The following CDH8 variants were observed in gnomAD, a reference collection of about 807,000 sequenced individuals.
CDH8 encodes the protein cadherin-8.
In CDH8, 17 loss-of-function variants were observed where a neutral mutation model predicts 68.1. The ratio of observed to expected loss-of-function variants is 0.25; its 90% CI spans 0.17 to 0.37. The LOEUF (loss-of-function observed/expected upper bound fraction) is 0.37. Ranked by LOEUF, CDH8 falls within the 10% of genes least tolerant of loss-of-function variation. The pLI is 1.00. For synonymous variants in CDH8, 372 were observed against 365.1 expected (o/e 1.02, Z -0.21); for missense variants, 763 against 999.3 (o/e 0.76, Z 3.19).
At chr16:61,667,554 A>T (rs948260198) in intron 10 of CDH8, 1 of 151,978 alleles carries the variant, frequency 6.6e-6, no homozygotes, top group African/African-American at 2.4e-5. Flanking sequence ...TAAAAAACCC[A>T]GGAGTCATCA....
intron 10 of CDH8, chr16:61,692,919 T>G (rs1374244272): frequency 1.3e-5 from 2 of 152,126 alleles, no homozygotes; most frequent in Admixed American, 1.3e-4. Flanking sequence ...ACTGGCAAAG[T>G]GGTCAACTGA....
At chr16:61,930,224 G>C (rs1316156779) in intron 2 of CDH8, among the ~76,000 whole-genome samples, 1 of 151,714 alleles carries the variant, frequency 6.6e-6, no homozygotes, top group African/African-American at 2.4e-5. Context: ...TTTATTAATA[G>C]AGTGATTGCC....
chr16:61,711,078 T>C (rs1964622677), intron 10 of CDH8, among the ~76,000 whole-genome samples: 1 of 152,066 alleles, frequency 6.6e-6, no homozygotes, highest in East Asian at 1.9e-4. Context: ...TTTATTTATA[T>C]TGAAGGTTGC....
intron 7 of CDH8, among the ~76,000 whole-genome samples, chr16:61,804,093 A>G (rs1384488472): frequency 1.5e-5 from 2 of 137,246 alleles, no homozygotes; most frequent in Non-Finnish European, 3.1e-5. Context: ...GCAAATGTAA[A>G]AGAACAGAAA....
intron 8 of CDH8, among the ~76,000 whole-genome samples, chr16:61,737,616 GTGA>G (rs1959735133): frequency 6.6e-6 from 1 of 152,102 alleles, no homozygotes. Context: ...TAAATCATTA[GTGA>G]TGATTTATCA....
At chr16:61,663,749 A>C (rs1963614618) in intron 10 of CDH8, among the ~76,000 whole-genome samples, 1 of 152,044 alleles carries the variant, frequency 6.6e-6, no homozygotes. Flanking sequence ...CTATCTATCC[A>C]TCTCTCTAAT....
At chr16:62,018,268 A>G (rs2150610048) in intron 2 of CDH8, among the ~76,000 whole-genome samples, 1 of 152,274 alleles carries the variant, frequency 6.6e-6, no homozygotes, top group African/African-American at 2.4e-5. Flanking sequence ...GTAAGGTTAT[A>G]TGTGAAGCTC....
At chr16:61,736,756 G>A (rs564123004) in intron 8 of CDH8, among the ~76,000 whole-genome samples, 3 of 152,070 alleles carry the variant, frequency 2.0e-5, no homozygotes, top group Non-Finnish European at 4.4e-5. Context: ...AGATATTATA[G>A]AGCAATAAAA....
chr16:61,975,054 C>T (rs1965411380), intron 2 of CDH8, among the ~76,000 whole-genome samples: 1 of 151,956 alleles, frequency 6.6e-6, no homozygotes, highest in Non-Finnish European at 1.5e-5. Flanking sequence ...TGTGTATGAC[C>T]TGAAAATAAT....
chr16:61,959,955 CTCTG>C (rs1965062210), intron 2 of CDH8, among the ~76,000 whole-genome samples: 1 of 125,172 alleles, frequency 8.0e-6, no homozygotes, highest in South Asian at 2.5e-4. Context: ...ACAAATCTTT[CTCTG>C]TATGTGGTGT....
At chr16:61,813,575 G>C (rs975048959) in intron 7 of CDH8, among the ~76,000 whole-genome samples, 1 of 152,136 alleles carries the variant, frequency 6.6e-6, no homozygotes, top group South Asian at 2.1e-4. Flanking sequence ...GTGGAGCCAC[G>C]GGCAGGGGGA....
intron 7 of CDH8, among the ~76,000 whole-genome samples, chr16:61,810,946 C>T (rs559827111): frequency 6.6e-4 from 100 of 150,728 alleles, no homozygotes; most frequent in African/African-American, 2.3e-3. Context: ...ATTGCTTGAA[C>T]CCAAGAGGCT....
intron 8 of CDH8, among the ~76,000 whole-genome samples, chr16:61,771,404 C>A (rs1441330517): frequency 6.9e-6 from 1 of 145,594 alleles, no homozygotes; most frequent in Non-Finnish European, 1.5e-5. Context: ...CAAATATGAA[C>A]CAGCAAAGAG....
At chr16:61,674,290 T>C (rs951874624) in intron 10 of CDH8, among the ~76,000 whole-genome samples, 1 of 151,896 alleles carries the variant, frequency 6.6e-6, no homozygotes, top group African/African-American at 2.4e-5. Context: ...CCATCTCTAC[T>C]AAAAATACAA....
Position 61,972,574 on chromosome 16 carries a change from GTGTGTGTGTGTGT to G in CDH8, c.252+48565_252+48577del, listed in dbSNP as rs1965359333. On this transcript the variant is annotated intron_variant, in intron 2 of 11. Coordinates refer to ENST00000577390, the MANE Select transcript of CDH8 (RefSeq NM_001796.5). The stretch of plus-strand genomic sequence containing the variant: ...TTTTTTCTGGGAACACATTGTGGGT[GTGTGTGTGTGTGT>G]GTGTGTGTGTGTGTGTGTGTGTGTG... 1.1e-4 allele frequency among the ~76,000 whole-genome samples: 12 copies of G among 107,300 alleles called. No individual in the cohort carries two copies. In the South Asian group the frequency reaches 2.2e-3, roughly 20 times the overall value. 70.4% of individuals were successfully genotyped at this position (107,300 alleles called of 152,430 possible).
intron 2 of CDH8, among the ~76,000 whole-genome samples, chr16:61,984,083 T>C (rs1216671112): frequency 6.6e-6 from 1 of 151,922 alleles, no homozygotes; most frequent in Non-Finnish European, 1.5e-5. Context: ...CACACCTGGC[T>C]AATTTTTGTA....
intron 1 of CDH8, among the ~76,000 whole-genome samples, chr16:62,027,917 A>C (rs948338556): frequency 6.6e-6 from 1 of 152,060 alleles, no homozygotes; most frequent in Non-Finnish European, 1.5e-5. Context: ...ACACGTGCAC[A>C]TATTATTTTG....
chr16:61,927,981 C>T (rs1404014761), intron 2 of CDH8, among the ~76,000 whole-genome samples: 2 of 152,176 alleles, frequency 1.3e-5, no homozygotes, highest in African/African-American at 4.8e-5. Flanking sequence ...TCCTTCCCTT[C>T]GGTAAAGTTA....
intron 1 of CDH8, among the ~76,000 whole-genome samples, chr16:62,032,697 A>G (rs1350939416): frequency 6.6e-6 from 1 of 152,150 alleles, no homozygotes; most frequent in Non-Finnish European, 1.5e-5. Context: ...TGCCAGACAC[A>G]AAAGTTTGCG....
Sources: gnomAD v4.1 joint callset for allele counts (sites outside exome capture counted in the v4.1 genomes callset) on GRCh38, gnomAD v4.1.1 for gene constraint, MANE v1.5 for transcripts, NCBI Gene and HGNC (gene_info 2026-07-23, HGNC 2026-07-21) for gene names.